Variants in BCL2L1 observed in about 807,000 individuals in gnomAD.
The protein encoded by BCL2L1 is bcl-2-like protein 1.
A neutral mutation model predicts 18.7 loss-of-function variants in BCL2L1; 1 was observed. The ratio of observed to expected loss-of-function variants is 0.05; its 90% CI spans 0.02 to 0.25. The LOEUF (loss-of-function observed/expected upper bound fraction) is 0.25, where lower values mean the gene tolerates loss of function less well. BCL2L1 is among the 10% of genes least tolerant of loss of function. The pLI is 1.00. For synonymous variants in BCL2L1, 103 were observed against 122.7 expected, an observed-to-expected ratio of 0.84 and a Z score of 1.06; for missense variants, 207 against 304.9, an observed-to-expected ratio of 0.68 and a Z score of 2.39.
intron 2 of BCL2L1, among the ~76,000 whole-genome samples, chr20:31,702,716 T>C (rs540452699): frequency 2.8e-4 from 43 of 151,156 alleles, no homozygotes; most frequent in South Asian, 1.1e-3. Context: ...TTCTCCATGT[T>C]GGTCAGGCTG....
intron 2 of BCL2L1, among the ~76,000 whole-genome samples, chr20:31,707,326 C>G (rs937503329): frequency 2.0e-5 from 3 of 152,126 alleles, no homozygotes; most frequent in African/African-American, 7.2e-5. Flanking sequence ...AGAGTAGATC[C>G]AATAGCAATG....
chr20:31,723,754 T>TG (rs1362708429), upstream of BCL2L1: 19 of 985,306 alleles, frequency 1.9e-5, no homozygotes, highest in South Asian at 1.4e-4. Flanking sequence ...CCGCGAGCCG[T>TG]GGGGGGCCAC....
chr20:31,691,488 T>C (rs1424411190), intron 2 of BCL2L1, among the ~76,000 whole-genome samples: 1 of 150,616 alleles, frequency 6.6e-6, no homozygotes, highest in Non-Finnish European at 1.5e-5. Flanking sequence ...TACTCCAGCC[T>C]GGGCGACAGA....
At chr20:31,703,489 GGTT>G (rs1403319008) in intron 2 of BCL2L1, among the ~76,000 whole-genome samples, 24 of 138,496 alleles carry the variant, frequency 1.7e-4, no homozygotes, top group Admixed American at 1.6e-3. Context: ...TAAACTTGGT[GGTT>G]GTTTTTTTTT....
intron 2 of BCL2L1, among the ~76,000 whole-genome samples, chr20:31,690,101 CCT>C (rs2061036553): frequency 6.6e-6 from 1 of 152,016 alleles, no homozygotes. Flanking sequence ...TTTTTTTCCC[CCT>C]GTGACAGGGT....
At chr20:31,697,050 CAA>C (rs1161266730) in intron 2 of BCL2L1, among the ~76,000 whole-genome samples, 132 of 76,814 alleles carry the variant, frequency 1.7e-3, no homozygotes, top group African/African-American at 4.2e-3. Flanking sequence ...GACTCTATCT[CAA>C]AAAAAAAAAA....
intron 2 of BCL2L1, among the ~76,000 whole-genome samples, chr20:31,674,813 T>C (rs975485975): frequency 1.4e-5 from 2 of 144,944 alleles, no homozygotes; most frequent in African/African-American, 5.2e-5. Flanking sequence ...AGGTTGAAAC[T>C]GCAGTGAGCT....
intron 2 of BCL2L1, among the ~76,000 whole-genome samples, chr20:31,706,416 C>T (rs2061369049): frequency 6.6e-6 from 1 of 152,216 alleles, no homozygotes; most frequent in East Asian, 1.9e-4. Flanking sequence ...TTTTACTCTG[C>T]ACTAGGCAAT....
chr20:31,671,562 C>T (rs147522863), intron 2 of BCL2L1, among the ~76,000 whole-genome samples: 5 of 152,218 alleles, frequency 3.3e-5, no homozygotes, highest in African/African-American at 4.8e-5. Flanking sequence ...TGAATGTCTC[C>T]TTTCTGTTCC....
At position 31,687,732 on chromosome 20, in the gene BCL2L1, G is replaced by T. The variant is rs550766463; in HGVS notation, c.565-21646C>A. 3.3e-5 allele frequency among the ~76,000 whole-genome samples: 5 copies of T among 151,866 alleles called. No individual in the cohort carries two copies. In the South Asian group the frequency reaches 1.0e-3, roughly 32 times the overall value. On this transcript the variant is annotated intron_variant, in intron 2 of 2. Coordinates refer to ENST00000307677, the MANE Select transcript of BCL2L1 (RefSeq NM_138578.3). ...AAACTCTTTCCCCGGGAGGGAGGCAGGCAGCTCAGTGTAGACCAGAGACCT... is the reference window on the plus strand; with the variant it reads ...AAACTCTTTCCCCGGGAGGGAGGCATGCAGCTCAGTGTAGACCAGAGACCT...
chr20:31,704,720 T>C (rs1250590367), intron 2 of BCL2L1, among the ~76,000 whole-genome samples: 1 of 152,196 alleles, frequency 6.6e-6, no homozygotes, highest in Admixed American at 6.5e-5. Context: ...TTTCTGCCAA[T>C]GACACAGTGC....
intron 2 of BCL2L1, among the ~76,000 whole-genome samples, chr20:31,712,066 G>T (rs866521082): frequency 6.6e-6 from 1 of 152,166 alleles, no homozygotes; most frequent in African/African-American, 2.4e-5. Context: ...AGAGAGACCT[G>T]GTTTCAAATG....
At chr20:31,667,392 C>T (rs908166141) in intron 2 of BCL2L1, among the ~76,000 whole-genome samples, 1 of 150,358 alleles carries the variant, frequency 6.7e-6, no homozygotes, top group Admixed American at 6.7e-5. Flanking sequence ...ACCCGGGAGA[C>T]GGAGGTTGCA....
chr20:31,697,892 G>GTTTTTTTTTTTTTTTTTTGTTTGTTTT (rs199575410), intron 2 of BCL2L1, among the ~76,000 whole-genome samples: 1 of 129,636 alleles, frequency 7.7e-6, no homozygotes, highest in African/African-American at 3.3e-5. Flanking sequence ...TGCTGTTGCT[G>GTTTTTTTTTTTTTTTTTTGTTTGTTTT]TTTTTTTTTT....
intron 2 of BCL2L1, among the ~76,000 whole-genome samples, chr20:31,696,951 G>A (rs888853530): frequency 2.0e-5 from 3 of 151,430 alleles, no homozygotes; most frequent in African/African-American, 7.3e-5. Flanking sequence ...AGCTACTCGG[G>A]AGGCTGAGGC....
At chr20:31,700,389 A>C (rs970598173) in intron 2 of BCL2L1, among the ~76,000 whole-genome samples, 6 of 152,216 alleles carry the variant, frequency 3.9e-5, no homozygotes, top group African/African-American at 1.4e-4. Context: ...CAGCATGGGC[A>C]TTAGTCCCTG....
chr20:31,677,025 GTGCTATCTGGATAAAGGCAAT>G (rs1199095449), intron 2 of BCL2L1, among the ~76,000 whole-genome samples: 1 of 152,136 alleles, frequency 6.6e-6, no homozygotes, highest in Admixed American at 6.5e-5. Context: ...TGAAATGGAA[GTGCTATCTGGATAAAGGCAAT>G]TAATTTCTAC....
chr20:31,698,963 T>G (rs929600224), intron 2 of BCL2L1, among the ~76,000 whole-genome samples: 2 of 152,282 alleles, frequency 1.3e-5, no homozygotes, highest in East Asian at 3.9e-4. Flanking sequence ...TCTAAAAGTC[T>G]TAAGGTCAAA....
At chr20:31,709,352 T>A (rs910066201) in intron 2 of BCL2L1, among the ~76,000 whole-genome samples, 2 of 152,008 alleles carry the variant, frequency 1.3e-5, no homozygotes, top group Admixed American at 1.3e-4. Flanking sequence ...CGTGTGTAAC[T>A]AGCCTGATCT....
Sources: allele counts gnomAD v4.1 joint callset (sites outside exome capture counted in the v4.1 genomes callset), GRCh38; gene constraint gnomAD v4.1.1; transcripts MANE v1.5; gene names NCBI Gene and HGNC (gene_info 2026-07-23, HGNC 2026-07-21).